The following PTPRZ1 variants were observed in gnomAD, a reference collection of about 807,000 sequenced individuals.
PTPRZ1 encodes receptor-type tyrosine-protein phosphatase zeta.
PTPRZ1 carries 82 observed loss-of-function variants against 214.1 expected under a neutral mutation model. That is an observed-to-expected ratio of 0.38 (90% CI 0.32 to 0.46). The LOEUF (loss-of-function observed/expected upper bound fraction) is 0.46. Among genes scored for constraint, PTPRZ1 ranks in the 20% least tolerant of loss-of-function variants. PTPRZ1 has a pLI of 1.00. For missense variants in PTPRZ1, 2,603 were observed against 2,748.7 expected (o/e 0.95, Z 1.19); for synonymous variants, 945 against 987.9 (o/e 0.96, Z 0.81).
At chr7:121,896,523 A>G (rs181296144) in intron 1 of PTPRZ1, among the ~76,000 whole-genome samples, 56 of 152,294 alleles carry the variant, frequency 3.7e-4, no homozygotes, top group African/African-American at 1.3e-3. Context: ...TGAAAAACGG[A>G]AGAAAACCCG....
At chr7:122,029,011 C>G (rs1198566929) in intron 14 of PTPRZ1, among the ~76,000 whole-genome samples, 1 of 151,192 alleles carries the variant, frequency 6.6e-6, no homozygotes, top group Non-Finnish European at 1.5e-5. Context: ...TAAGTCAATG[C>G]AGAAAATGTG....
chr7:122,039,815 T>C (rs1455035936), intron 20 of PTPRZ1, among the ~76,000 whole-genome samples: 1 of 152,002 alleles, frequency 6.6e-6, no homozygotes, highest in Non-Finnish European at 1.5e-5. Flanking sequence ...CTGGCCAACA[T>C]GGTGAAACCC....
rs375756909 is a variant in PTPRZ1, at chr7:122,061,071, G to A, written c.6808-9G>A. On this transcript the variant is annotated splice_polypyrimidine_tract_variant and intron_variant, in intron 29 of 29. Transcript: ENST00000393386. ...TCGCATTTATTACCTCCCATCTTCT[G>A]TTCTCTAGGAGCAGTATCAGTTTCT... The A allele has an allele frequency of 1.5e-4, 236 of 1,578,744 alleles. No individual in the cohort carries two copies. Among genetic ancestry groups the A allele is most frequent in the Middle Eastern group, 1.7e-4 (1 of 5,856 alleles).
chr7:121,988,264 G>C (rs1264365932), intron 8 of PTPRZ1, among the ~76,000 whole-genome samples: 1 of 152,112 alleles, frequency 6.6e-6, no homozygotes, highest in East Asian at 1.9e-4. Flanking sequence ...AGATGATACA[G>C]AACTTTTTTT....
chr7:121,999,129 G>A (rs1004654325), intron 10 of PTPRZ1, among the ~76,000 whole-genome samples: 1 of 152,108 alleles, frequency 6.6e-6, no homozygotes, highest in Non-Finnish European at 1.5e-5. Flanking sequence ...TACAAAACTT[G>A]CCAAGGTATC....
chr7:121,964,989 C>T (rs144103735), intron 2 of PTPRZ1, among the ~76,000 whole-genome samples: 1 of 152,138 alleles, frequency 6.6e-6, no homozygotes, highest in East Asian at 1.9e-4. Flanking sequence ...TTGGCCATAA[C>T]AAGGAGCTCA....
At position 122,038,790 on chromosome 7, in the gene PTPRZ1, A is replaced by G; in HGVS notation, c.5403A>G (p.Gln1801=). Residue 1801 remains glutamine, a synonymous_variant, in exon 19 of 30, where the codon CAA becomes CAG. Coordinates refer to ENST00000393386, the MANE Select transcript of PTPRZ1 (RefSeq NM_002851.3). ...GACCAAAAGCTTATATTGCTGCCCAAGGCCCACTGAAATCCACAGCTGAAG... is the reference window on the plus strand; with the variant it reads ...GACCAAAAGCTTATATTGCTGCCCAGGGCCCACTGAAATCCACAGCTGAAG... ...YNRPKAYIAA[Q]GPLKSTAEDF... is the part of the protein sequence containing the mutation. The G allele has an allele frequency of 1.2e-6, 2 of 1,613,834 alleles. No homozygotes were observed. Among genetic ancestry groups the G allele is most frequent in the South Asian group, 1.1e-5 (1 of 91,060 alleles).
intron 13 of PTPRZ1, 118 bp from the exon 14 acceptor site, chr7:122,028,434 G>GAT: frequency 1.6e-6 from 1 of 634,550 alleles, no homozygotes; most frequent in Non-Finnish European, 2.7e-6. Flanking sequence ...CCCTCTTCTG[G>GAT]GTATATACCT....
At chr7:122,007,351 C>T (rs910242001) in intron 11 of PTPRZ1, among the ~76,000 whole-genome samples, 1 of 152,042 alleles carries the variant, frequency 6.6e-6, no homozygotes, top group Non-Finnish European at 1.5e-5. Flanking sequence ...CCAGCTACCA[C>T]CACACAGATG....
Position 122,013,605 on chromosome 7 carries a change from A to T in PTPRZ1, c.4559A>T (p.Glu1520Val). ...GLSQKHNDGK[E>V]ENDIQTGSAL... ...TCCCAAAAGCACAATGATGGAAAAG[A>T]GGAAAATGACATTCAGACTGGTAGT... Residue 1520 changes from glutamate (E) to valine (V), a missense_variant, in exon 12 of 30, where the codon GAG becomes GTG. Around this residue, in one of 6 missense-constraint regions of PTPRZ1, gnomAD observed 1,913 missense variants for 1,914.3 expected, o/e 1.00. Coordinates refer to ENST00000393386, the MANE Select transcript of PTPRZ1 (RefSeq NM_002851.3). 1 of 1,614,182 alleles carries T rather than the reference A, an allele frequency of 6.2e-7. No homozygotes were observed.
intron 14 of PTPRZ1, among the ~76,000 whole-genome samples, chr7:122,029,891 T>C (rs2116717955): frequency 6.6e-6 from 1 of 152,022 alleles, no homozygotes; most frequent in South Asian, 2.1e-4. Flanking sequence ...TTTGTTTTTC[T>C]AGTTTACATT....
In PTPRZ1 at chr7:121,938,195, G is replaced by A. The variant is rs147576447; in HGVS notation, c.124+9974G>A. On this transcript the variant is annotated intron_variant, in intron 2 of 29. Coordinates refer to ENST00000393386, the MANE Select transcript of PTPRZ1 (RefSeq NM_002851.3). ...AATGTAATAACAACAACAACAAAAA[G>A]CAGTTTTATTATCAAACAAGCATTA... Among the ~76,000 whole-genome samples the A allele has an allele frequency of 2.6e-5, 4 of 152,048 alleles. No individual in the cohort carries two copies. In the East Asian group the frequency reaches 7.7e-4, roughly 29 times the overall value.
Position 122,044,407 on chromosome 7 carries a change from T to G in PTPRZ1, c.5938-15T>G. 6.2e-7 allele frequency: 1 copy of G among 1,613,366 alleles called. No individual in the cohort carries two copies. Among genetic ancestry groups the G allele is most frequent in the South Asian group, 1.1e-5 (1 of 91,018 alleles). On this transcript the variant is annotated splice_polypyrimidine_tract_variant and intron_variant, in intron 22 of 29. Coordinates refer to ENST00000393386, the MANE Select transcript of PTPRZ1 (RefSeq NM_002851.3). Reference sequence around the variant, plus strand: ...AAACTTGAACTAATGTTGCTTATTGTCATTGTTTTGCCAGGAGCAATATGT... The same window carrying G: ...AAACTTGAACTAATGTTGCTTATTGGCATTGTTTTGCCAGGAGCAATATGT...
At chr7:121,885,945 A>G (rs1794381776) in intron 1 of PTPRZ1, among the ~76,000 whole-genome samples, 2 of 152,206 alleles carry the variant, frequency 1.3e-5, no homozygotes, top group South Asian at 2.1e-4. Context: ...ATAATGACAT[A>G]TAAACCCTTT....
rs535566416 is a variant in PTPRZ1, at chr7:121,968,228, G to A, written c.304+98G>A. 21 of 1,033,538 alleles carry A rather than the reference G, an allele frequency of 2.0e-5. No individual in the cohort carries two copies. In the African/African-American group the frequency reaches 2.5e-4, roughly 12 times the overall value. The allele number at this position is 1,033,538 out of a possible 1,614,324, so 64.0% of individuals were successfully genotyped here. A position where few individuals can be genotyped will look rare whatever the true frequency, so the allele number is the denominator to read the frequency against. On this transcript the variant is annotated intron_variant, in intron 3 of 29. Transcript: ENST00000393386. ...CATTTTCCTTTGAATAGTGTACTAT[G>A]AACTAGATAGAAGTTACATGTAGAA... is the stretch of plus-strand genomic sequence containing the variant.
intron 4 of PTPRZ1, among the ~76,000 whole-genome samples, chr7:121,973,302 A>G (rs34742819): frequency 0.06 from 9,110 of 152,224 alleles, 323 homozygotes; most frequent in Non-Finnish European, 0.085. Context: ...TTTCACAAAA[A>G]TCATGTTTTT....
chr7:121,879,268 G>A (rs1185575442), intron 1 of PTPRZ1, among the ~76,000 whole-genome samples: 1 of 152,110 alleles, frequency 6.6e-6, no homozygotes, highest in Non-Finnish European at 1.5e-5. Flanking sequence ...CATCCCAGGG[G>A]GCCAGAACAT....
In PTPRZ1 at chr7:121,941,388, T is replaced by A; in HGVS notation, c.124+13167T>A. Among the ~76,000 whole-genome samples, 2 of 152,320 alleles carry A rather than the reference T, an allele frequency of 1.3e-5. 1 individual carries two copies. Among genetic ancestry groups the A allele is most frequent in the Middle Eastern group, 6.8e-3 (2 of 294 alleles). On this transcript the variant is annotated intron_variant, in intron 2 of 29. Transcript: ENST00000393386. ...GTGATGTGGGAAATAATATAAGATA[T>A]AAAGCTGTTAGGCTTTGAGTTCTTG...
intron 2 of PTPRZ1, among the ~76,000 whole-genome samples, chr7:121,964,605 T>C (rs561679092): frequency 4.0e-5 from 6 of 151,542 alleles, no homozygotes; most frequent in Non-Finnish European, 7.4e-5. Flanking sequence ...GTGCTAGTCT[T>C]TTTTTTTTCT....
Sources: gnomAD v4.1 joint callset for allele counts (sites outside exome capture counted in the v4.1 genomes callset) on GRCh38, gnomAD v4.1.1 for gene constraint, gnomAD v4.1.1 regional missense constraint, MANE v1.5 for transcripts, NCBI Gene and HGNC (gene_info 2026-07-23, HGNC 2026-07-21) for gene names.